NKAIN2: variants seen among roughly 807,000 people sequenced by gnomAD.
NKAIN2 encodes the protein sodium/potassium-transporting ATPase subunit beta-1-interacting protein 2.
Under a neutral mutation model 32.6 loss-of-function variants are expected in NKAIN2, and 14 were observed. The observed-to-expected ratio is 0.43, with a 90% CI of 0.28 to 0.67. NKAIN2 has a LOEUF of 0.67. Ranked by LOEUF, NKAIN2 falls within the 30% of genes least tolerant of loss-of-function variation. The probability of loss-of-function intolerance (pLI) is 0.17; values close to 1 mark genes in which losing one functional copy is unlikely to be tolerated. For synonymous variants in NKAIN2, 80 were observed against 87.2 expected (o/e 0.92, Z 0.46); for missense variants, 198 against 258.3 (o/e 0.77, Z 1.60).
At chr6:124,681,422 C>CTGAT (rs1284681514) in intron 4 of NKAIN2, among the ~76,000 whole-genome samples, 1 of 151,946 alleles carries the variant, frequency 6.6e-6, no homozygotes, top group African/African-American at 2.4e-5. Flanking sequence ...AAACAAACCC[C>CTGAT]TGATTGAATA....
chr6:124,021,997 A>G (rs1285910891), intron 1 of NKAIN2, among the ~76,000 whole-genome samples: 1 of 151,852 alleles, frequency 6.6e-6, no homozygotes, highest in East Asian at 1.9e-4. Context: ...TGCACCCATT[A>G]ACTCATCATT....
At chr6:124,531,641 G>T (rs1264795584) in intron 3 of NKAIN2, among the ~76,000 whole-genome samples, 1 of 152,146 alleles carries the variant, frequency 6.6e-6, no homozygotes, top group African/African-American at 2.4e-5. Context: ...GAGATAGGCA[G>T]TGAATATTTG....
intron 3 of NKAIN2, among the ~76,000 whole-genome samples, chr6:124,473,250 T>C (rs930300499): frequency 6.6e-6 from 1 of 152,214 alleles, no homozygotes; most frequent in African/African-American, 2.4e-5. Context: ...ATGCTCATTG[T>C]AAGTCTAGGG....
At chr6:124,004,172 A>G (rs1461571282) in intron 1 of NKAIN2, among the ~76,000 whole-genome samples, 1 of 152,174 alleles carries the variant, frequency 6.6e-6, no homozygotes, top group East Asian at 1.9e-4. Flanking sequence ...AAGTATCTGA[A>G]TGCTATTCTG....
rs148311232 is a variant in NKAIN2 at position 123,804,093 on chromosome 6, A to C, written c.-108A>C. ...CAGCAGCAGCAGCCCGGAGCCCCCG[A>C]GCCCTCGGCAGGTTTGCGTGTCCTT... On this transcript the variant is annotated 5_prime_UTR_variant, in exon 1 of 7. Transcript: ENST00000368417. The C allele has an allele frequency of 1.7e-3, 1,635 of 982,878 alleles. 15 individuals are homozygous for C. The African/African-American group carries it at 0.023, about 14-fold the overall frequency. The allele number at this position is 982,878 out of a possible 1,614,324, so 60.9% of individuals were successfully genotyped here.
intron 1 of NKAIN2, among the ~76,000 whole-genome samples, chr6:124,051,218 C>T (rs1013083462): frequency 4.6e-5 from 7 of 152,006 alleles, no homozygotes; most frequent in African/African-American, 1.7e-4. Flanking sequence ...CTTAGAGCCT[C>T]TCTGCATGCA....
chr6:124,244,237 C>T (rs1264920098), intron 1 of NKAIN2, among the ~76,000 whole-genome samples: 1 of 110,814 alleles, frequency 9.0e-6, no homozygotes, highest in South Asian at 3.8e-4. Flanking sequence ...CTATCCCTCC[C>T]CCCTCCCCCC....
intron 1 of NKAIN2, among the ~76,000 whole-genome samples, chr6:124,115,673 C>T (rs1461850890): frequency 6.6e-6 from 1 of 151,960 alleles, no homozygotes; most frequent in Admixed American, 6.5e-5. Context: ...AATCAGTAAA[C>T]GAGTTAACTT....
intron 2 of NKAIN2, among the ~76,000 whole-genome samples, chr6:124,338,876 A>G (rs1286712648): frequency 6.6e-6 from 1 of 152,218 alleles, no homozygotes; most frequent in East Asian, 1.9e-4. Flanking sequence ...GAAATTAATT[A>G]CACTACTCCA....
At chr6:123,938,512 T>C (rs943840513) in intron 1 of NKAIN2, among the ~76,000 whole-genome samples, 4 of 137,418 alleles carry the variant, frequency 2.9e-5, no homozygotes, top group Admixed American at 1.6e-4. Flanking sequence ...TATAATATAT[T>C]ATATATATTT....
At chr6:124,669,378 G>A (rs948166012) in intron 4 of NKAIN2, among the ~76,000 whole-genome samples, 1 of 152,050 alleles carries the variant, frequency 6.6e-6, no homozygotes, top group Non-Finnish European at 1.5e-5. Flanking sequence ...GTAAGGAGAC[G>A]CAAATGAATA....
chr6:124,236,053 C>G (rs771803752), intron 1 of NKAIN2, among the ~76,000 whole-genome samples: 1 of 151,888 alleles, frequency 6.6e-6, no homozygotes, highest in African/African-American at 2.4e-5. Flanking sequence ...TTTCCTCTCA[C>G]TGAGGTCTTG....
At chr6:124,731,098 TC>T (rs1776642781) in intron 4 of NKAIN2, among the ~76,000 whole-genome samples, 1 of 141,352 alleles carries the variant, frequency 7.1e-6, no homozygotes, top group Non-Finnish European at 1.5e-5. Context: ...TAGGAACACT[TC>T]TACACTGTTG....
At chr6:123,954,691 C>A (rs1377537193) in intron 1 of NKAIN2, among the ~76,000 whole-genome samples, 1 of 152,180 alleles carries the variant, frequency 6.6e-6, no homozygotes, top group Non-Finnish European at 1.5e-5. Flanking sequence ...TCTACCTCCA[C>A]CTATTCTCTT....
intron 3 of NKAIN2, among the ~76,000 whole-genome samples, chr6:124,442,084 C>T (rs1200310382): frequency 6.6e-6 from 1 of 152,000 alleles, no homozygotes; most frequent in Non-Finnish European, 1.5e-5. Context: ...TGCCTATTCT[C>T]ATATAGTCAT....
chr6:124,114,281 G>A (rs539898501), intron 1 of NKAIN2, among the ~76,000 whole-genome samples: 1 of 152,082 alleles, frequency 6.6e-6, no homozygotes, highest in Non-Finnish European at 1.5e-5. Flanking sequence ...ATTGGATATT[G>A]TTTCAAGGGA....
chr6:124,468,699 A>G (rs1312841979), intron 3 of NKAIN2, among the ~76,000 whole-genome samples: 3 of 152,210 alleles, frequency 2.0e-5, no homozygotes, highest in Non-Finnish European at 4.4e-5. Context: ...TAATTCTACC[A>G]GATGCTGAAA....
intron 3 of NKAIN2, among the ~76,000 whole-genome samples, chr6:124,366,657 C>T (rs1287360730): frequency 6.6e-6 from 1 of 152,046 alleles, no homozygotes; most frequent in East Asian, 1.9e-4. Flanking sequence ...ATGTAATAGG[C>T]CAGGCACGGT....
chr6:124,304,837 C>T (rs1381883056), intron 2 of NKAIN2, among the ~76,000 whole-genome samples: 1 of 152,024 alleles, frequency 6.6e-6, no homozygotes. Flanking sequence ...TCACTTAAAC[C>T]CAGGAGGTGG....
Sources: allele counts gnomAD v4.1 joint callset (sites outside exome capture counted in the v4.1 genomes callset), GRCh38; gene constraint gnomAD v4.1.1; transcripts MANE v1.5; gene names NCBI Gene and HGNC (gene_info 2026-07-23, HGNC 2026-07-21).